The following SYCP1 variants were observed in gnomAD, a reference collection of about 807,000 sequenced individuals.
The protein encoded by SYCP1 is cancer/testis antigen 8.
Under a neutral mutation model 153.1 loss-of-function variants are expected in SYCP1, and 64 were observed. That is an observed-to-expected ratio of 0.42 (90% CI 0.34 to 0.51). SYCP1 has a LOEUF of 0.51. Ranked by LOEUF, SYCP1 falls within the 20% of genes least tolerant of loss-of-function variation. The pLI, the probability that SYCP1 is intolerant of heterozygous loss-of-function variation, is 0.06. For synonymous variants in SYCP1, 384 were observed against 341.8 expected (o/e 1.12, Z -1.36); for missense variants, 997 against 1,049.0 (o/e 0.95, Z 0.68).
intron 23 of SYCP1, among the ~76,000 whole-genome samples, chr1:114,938,804 T>C (rs970784619): frequency 1.3e-5 from 2 of 151,950 alleles, no homozygotes; most frequent in African/African-American, 4.8e-5. Flanking sequence ...AATAAGCACA[T>C]AAAAATGAAA....
chr1:114,906,384 C>G (rs1667809185), intron 16 of SYCP1, among the ~76,000 whole-genome samples: 2 of 152,022 alleles, frequency 1.3e-5, no homozygotes, highest in South Asian at 2.1e-4. Flanking sequence ...GTTTTCTGCT[C>G]ATATCTTTAT....
chr1:114,858,804 T>A (rs1225517186), intron 6 of SYCP1, 93 bp downstream of exon 6: 2 of 1,134,930 alleles, frequency 1.8e-6, no homozygotes, highest in Non-Finnish European at 2.5e-6. Flanking sequence ...ATTGGATTGA[T>A]CTTGTTTTTG....
At chr1:114,945,018 A>C (rs1269919351) in intron 25 of SYCP1, 36 bp downstream of exon 25, 1 of 1,371,468 alleles carries the variant, frequency 7.3e-7, no homozygotes, top group Admixed American at 2.4e-5. Flanking sequence ...AAAATTATTA[A>C]TTGGAGCCAT....
rs1666099802 is a variant in SYCP1 at position 114,883,626 on chromosome 1, C to T, written c.911-1909C>T. ...AGTATACATTCCGTTCCGATACATGCCTAAGGGCTAGTTTGTGCTTATGAT... is the reference window on the plus strand; with the variant it reads ...AGTATACATTCCGTTCCGATACATGTCTAAGGGCTAGTTTGTGCTTATGAT... On this transcript the variant is annotated intron_variant, in intron 12 of 31. Coordinates refer to ENST00000369522, the MANE Select transcript of SYCP1 (RefSeq NM_003176.4). Among the ~76,000 whole-genome samples, 8 of 152,152 alleles carry T rather than the reference C, an allele frequency of 5.3e-5. No homozygotes were observed. The South Asian group carries it at 1.7e-3, about 32-fold the overall frequency.
intron 20 of SYCP1, 99 bp downstream of exon 20, chr1:114,914,144 A>G (rs1668362312): frequency 2.3e-6 from 2 of 863,856 alleles, no homozygotes; most frequent in Non-Finnish European, 1.7e-6. Context: ...CTGCTGTTGA[A>G]TATTTTATAA....
chr1:114,875,903 C>T (rs1665496688), intron 9 of SYCP1, among the ~76,000 whole-genome samples, 166 bp from the exon 10 acceptor site: 2 of 152,172 alleles, frequency 1.3e-5, no homozygotes, highest in African/African-American at 4.8e-5. Context: ...ATAAGGCCCT[C>T]TTAATACATT....
intron 16 of SYCP1, among the ~76,000 whole-genome samples, chr1:114,906,651 G>C (rs538226237): frequency 6.6e-6 from 1 of 152,128 alleles, no homozygotes; most frequent in East Asian, 1.9e-4. Context: ...CATGTATTTG[G>C]AGAATTTCCT....
At position 114,910,498 on chromosome 1, in the gene SYCP1, A is replaced by G; in HGVS notation, c.1422A>G (p.Arg474=). 2 of 1,548,084 alleles carry G rather than the reference A, an allele frequency of 1.3e-6. No homozygotes were observed. Among genetic ancestry groups the G allele is most frequent in the Non-Finnish European group, 1.7e-6 (2 of 1,150,218 alleles). Residue 474 remains arginine, a synonymous_variant, in exon 17 of 32, where the codon AGA becomes AGG. Transcript: ENST00000369522. ...AACTAATTGGTCTTCTCCAAGCCAGAGAGGTTTGTTTAAGGAAACATTTTT... is the reference window on the plus strand; with the variant it reads ...AACTAATTGGTCTTCTCCAAGCCAGGGAGGTTTGTTTAAGGAAACATTTTT... ...EQELIGLLQA[R]EKEVHDLEIQ...
At position 114,994,875 on chromosome 1, in the gene SYCP1, T is replaced by C; in HGVS notation, c.2794-7T>C. On this transcript the variant is annotated splice_region_variant and splice_polypyrimidine_tract_variant and intron_variant, in intron 31 of 31. Coordinates refer to ENST00000369522, the MANE Select transcript of SYCP1 (RefSeq NM_003176.4). ...GTTATGATTTTTAAATTTTATTTTG[T>C]ACTCAGGCCCCTTCATCTCTAACAA... The C allele has an allele frequency of 6.3e-7, 1 of 1,577,802 alleles. No homozygotes were observed. Among genetic ancestry groups the C allele is most frequent in the Non-Finnish European group, 8.6e-7 (1 of 1,168,098 alleles).
chr1:114,916,476 T>C (rs975632126), intron 20 of SYCP1, among the ~76,000 whole-genome samples: 1 of 152,044 alleles, frequency 6.6e-6, no homozygotes, highest in Non-Finnish European at 1.5e-5. Context: ...ATGTTTTAAT[T>C]GATATTGGGT....
In SYCP1 at chr1:114,887,663, A is replaced by T. The variant is rs1202904590; in HGVS notation, c.1228A>T (p.Met410Leu). 6.4e-7 allele frequency: 1 copy of T among 1,572,326 alleles called. No homozygotes were observed. The highest frequency in any genetic ancestry group is 8.6e-7 in the Non-Finnish European group (1 of 1,156,712). Reference sequence around the variant, plus strand: ...TGAAGATCAATTGAAAATACTTACCATGGAGCTTCAAAAGAAATCAAGTGA... The same window carrying T: ...TGAAGATCAATTGAAAATACTTACCTTGGAGCTTCAAAAGAAATCAAGTGA... ...KNEDQLKILT[M>L]ELQKKSSELE... The change falls in exon 15 of 32, where the codon ATG (methionine) becomes TTG (leucine). Residue 410 changes from methionine to leucine, a missense_variant. Transcript: ENST00000369522.
intron 23 of SYCP1, among the ~76,000 whole-genome samples, chr1:114,943,581 G>C (rs1557820829): frequency 6.6e-6 from 1 of 151,834 alleles, no homozygotes; most frequent in Non-Finnish European, 1.5e-5. Context: ...ATAAAGAAGA[G>C]TAAGGGAATA....
intron 2 of SYCP1, among the ~76,000 whole-genome samples, chr1:114,855,984 C>A (rs1258535227): frequency 6.6e-6 from 1 of 152,094 alleles, no homozygotes; most frequent in Non-Finnish European, 1.5e-5. Context: ...AGATTTGGCT[C>A]TGAGCTTCCT....
chr1:114,875,037 A>G (rs938706945), intron 9 of SYCP1, among the ~76,000 whole-genome samples: 3 of 152,004 alleles, frequency 2.0e-5, no homozygotes, highest in Admixed American at 1.3e-4. Context: ...TCTTATGCAC[A>G]TTTCTAAACT....
At chr1:114,914,847 A>G (rs1437056417) in intron 20 of SYCP1, among the ~76,000 whole-genome samples, 2 of 152,140 alleles carry the variant, frequency 1.3e-5, no homozygotes, top group South Asian at 2.1e-4. Context: ...GAGATGTACA[A>G]TACAATCTAG....
At chr1:114,960,711 T>A (rs1671733475) in intron 27 of SYCP1, among the ~76,000 whole-genome samples, 1 of 152,224 alleles carries the variant, frequency 6.6e-6, no homozygotes, top group East Asian at 1.9e-4. Context: ...TATCTTCTTT[T>A]GAGAAATGTA....
At chr1:114,965,085 T>G (rs1349589384) in intron 27 of SYCP1, among the ~76,000 whole-genome samples, 2 of 152,158 alleles carry the variant, frequency 1.3e-5, no homozygotes, top group Admixed American at 6.5e-5. Context: ...TCACATCCCT[T>G]GTAAGTTGTA....
At chr1:114,905,605 A>G (rs78660374) in intron 16 of SYCP1, among the ~76,000 whole-genome samples, 1 of 152,228 alleles carries the variant, frequency 6.6e-6, no homozygotes, top group Non-Finnish European at 1.5e-5. Context: ...TTTATGCTCC[A>G]TAGAAGCTTT....
chr1:114,969,021 C>T (rs1672314404), intron 27 of SYCP1, among the ~76,000 whole-genome samples: 1 of 152,186 alleles, frequency 6.6e-6, no homozygotes, highest in South Asian at 2.1e-4. Context: ...TGCAGAACAG[C>T]AAATATTGCT....
Sources: gnomAD v4.1 joint callset for allele counts (sites outside exome capture counted in the v4.1 genomes callset) on GRCh38, gnomAD v4.1.1 for gene constraint, MANE v1.5 for transcripts, NCBI Gene and HGNC (gene_info 2026-07-23, HGNC 2026-07-21) for gene names.